Variants in TENM2 observed in about 807,000 individuals in gnomAD.
The protein encoded by TENM2 is teneurin-2.
Under a neutral mutation model 245.2 loss-of-function variants are expected in TENM2, and 52 were observed. The observed-to-expected ratio is 0.21, with a 90% CI of 0.17 to 0.27. The LOEUF is 0.27. Among genes scored for constraint, TENM2 ranks in the 10% least tolerant of loss-of-function variants. The pLI is 1.00. For synonymous variants in TENM2, 1,363 were observed against 1,438.9 expected (o/e 0.95, Z 1.19); for missense variants, 3,046 against 3,666.8 (o/e 0.83, Z 4.37).
At chr5:167,563,314 T>C (rs1203150308) in intron 2 of TENM2, among the ~76,000 whole-genome samples, 2 of 152,194 alleles carry the variant, frequency 1.3e-5, no homozygotes, top group African/African-American at 4.8e-5. Flanking sequence ...TCCTTAGCCT[T>C]TCCATGGTGG....
intron 2 of TENM2, among the ~76,000 whole-genome samples, chr5:167,530,341 A>T (rs1251876248): frequency 6.6e-6 from 1 of 152,240 alleles, no homozygotes; most frequent in African/African-American, 2.4e-5. Flanking sequence ...AAAAATTTTC[A>T]TGTGACTATC....
At chr5:167,897,847 T>C (rs1483750996) in intron 3 of TENM2, among the ~76,000 whole-genome samples, 3 of 151,884 alleles carry the variant, frequency 2.0e-5, no homozygotes, top group African/African-American at 7.3e-5. Flanking sequence ...GAGAACTAAG[T>C]TTATGAGCCT....
the TENM2 span, among the ~76,000 whole-genome samples, chr5:167,260,722 T>C: frequency 6.6e-6 from 1 of 152,194 alleles, no homozygotes; most frequent in Non-Finnish European, 1.5e-5. Flanking sequence ...GATGATTTAG[T>C]GTGAAAGTTA....
chr5:167,432,251 T>A (rs1764298904), intron 2 of TENM2, among the ~76,000 whole-genome samples: 1 of 151,656 alleles, frequency 6.6e-6, no homozygotes, highest in African/African-American at 2.4e-5. Flanking sequence ...ATTACCAGCA[T>A]CTGAATTTTT....
chr5:168,156,095 A>G (rs1016928299), intron 12 of TENM2, among the ~76,000 whole-genome samples: 3 of 151,848 alleles, frequency 2.0e-5, no homozygotes, highest in Admixed American at 2.0e-4. Context: ...GAAAATAAAT[A>G]AGATTAACAA....
intron 2 of TENM2, among the ~76,000 whole-genome samples, chr5:167,746,443 T>A (rs1761566180): frequency 6.7e-6 from 1 of 149,970 alleles, no homozygotes; most frequent in Non-Finnish European, 1.5e-5. Context: ...CCAAGTTGGG[T>A]AAAGTGAGGA....
intron 2 of TENM2, among the ~76,000 whole-genome samples, chr5:167,506,974 A>C (rs1015893023): frequency 2.6e-5 from 4 of 152,224 alleles, no homozygotes; most frequent in African/African-American, 9.6e-5. Flanking sequence ...TACCCAACAG[A>C]CTTAAACAAC....
intron 2 of TENM2, among the ~76,000 whole-genome samples, chr5:167,462,686 T>C (rs1463602955): frequency 6.6e-6 from 1 of 151,972 alleles, no homozygotes; most frequent in Admixed American, 6.6e-5. Context: ...TGTCCTTCTC[T>C]GCTGCACCAC....
In TENM2 at chr5:167,490,392, T is replaced by TACG. The variant is rs563390097; in HGVS notation, c.502+114921_502+114922insGAC. Among the ~76,000 whole-genome samples the TACG allele has an allele frequency of 4.5e-3, 637 of 142,500 alleles. 6 individuals carry two copies. Among genetic ancestry groups the TACG allele is most frequent in the African/African-American group, 0.016 (601 of 38,174 alleles). 93.5% of individuals were successfully genotyped at this position (142,500 alleles called of 152,430 possible). On this transcript the variant is annotated intron_variant, in intron 2 of 28. Coordinates refer to ENST00000518659, the Ensembl canonical transcript of TENM2. Reference sequence around the variant, plus strand: ...AACAGAGATATTAATATCAATATGTTACTACTAACTCCATCTAATAATGTT... The same window carrying TACG: ...AACAGAGATATTAATATCAATATGTTACGACTACTAACTCCATCTAATAATGTT...
the TENM2 span, among the ~76,000 whole-genome samples, chr5:167,036,230 C>A: frequency 6.6e-6 from 1 of 152,086 alleles, no homozygotes; most frequent in Non-Finnish European, 1.5e-5. Context: ...AAGCAAGTGC[C>A]AGGGCCCTGA....
At chr5:167,836,621 TC>T (rs1769017891) in intron 2 of TENM2, among the ~76,000 whole-genome samples, 2 of 152,226 alleles carry the variant, frequency 1.3e-5, no homozygotes, top group Admixed American at 6.5e-5. Flanking sequence ...CATTGCCTTA[TC>T]TGTTGCACTG....
the TENM2 span, among the ~76,000 whole-genome samples, chr5:167,064,992 T>C: frequency 6.6e-6 from 1 of 152,332 alleles, no homozygotes; most frequent in African/African-American, 2.4e-5. Flanking sequence ...TAGACAGTGG[T>C]TATATTTACT....
intron 27 of TENM2, 120 bp downstream of exon 29, chr5:168,248,491 AGGCAGTGCAGTT>A: frequency 3.0e-6 from 3 of 998,560 alleles, no homozygotes; most frequent in Non-Finnish European, 4.3e-6. Context: ...CATAAAGCCC[AGGCAGTGCAGTT>A]GGCAGCACTA....
intron 27 of TENM2, among the ~76,000 whole-genome samples, chr5:168,258,765 G>A (rs924502324): frequency 6.6e-6 from 1 of 152,172 alleles, no homozygotes; most frequent in African/African-American, 2.4e-5. Context: ...GGCTTTGGGA[G>A]GTGATGAAAA....
At chr5:167,998,964 C>G (rs1012087173) in intron 5 of TENM2, among the ~76,000 whole-genome samples, 1 of 152,180 alleles carries the variant, frequency 6.6e-6, no homozygotes, top group Admixed American at 6.5e-5. Context: ...TATGTTGAGA[C>G]TCACGCTGAT....
intron 14 of TENM2, among the ~76,000 whole-genome samples, chr5:168,191,748 C>T (rs369942792): frequency 1.7e-4 from 26 of 152,252 alleles, no homozygotes; most frequent in African/African-American, 6.0e-4. Context: ...CTTACAGAAG[C>T]ACCTAACTTT....
the TENM2 span, chr5:167,116,323 C>T: frequency 6.6e-6 from 1 of 152,188 alleles, no homozygotes. Context: ...GTTGCAGAGT[C>T]CCCCAGCCAA....
At chr5:167,870,615 A>C (rs1389655434) in intron 2 of TENM2, among the ~76,000 whole-genome samples, 3 of 147,616 alleles carry the variant, frequency 2.0e-5, no homozygotes, top group Non-Finnish European at 4.5e-5. Context: ...ATATGTATAT[A>C]TATGTATATA....
intron 1 of TENM2, among the ~76,000 whole-genome samples, chr5:167,319,445 ATTATTATGTTAATTACAT>A (rs1756585162): frequency 6.6e-6 from 1 of 152,206 alleles, no homozygotes; most frequent in African/African-American, 2.4e-5. Flanking sequence ...AACAATGATC[ATTATTATGTTAATTACAT>A]TTACCCATAC....
Sources: allele counts gnomAD v4.1 joint callset (sites outside exome capture counted in the v4.1 genomes callset), GRCh38; gene constraint gnomAD v4.1.1; transcripts MANE v1.5; gene names NCBI Gene and HGNC (gene_info 2026-07-23, HGNC 2026-07-21).